UGT1A7: variants seen among roughly 807,000 people sequenced by gnomAD.
The protein encoded by UGT1A7 is UDP-glucuronosyltransferase 1A7.
Under a neutral mutation model 45.6 loss-of-function variants are expected in UGT1A7, and 33 were observed. That is an observed-to-expected ratio of 0.72 (90% CI 0.55 to 0.97). The LOEUF is 0.97. UGT1A7 is among the 50% of genes least tolerant of loss of function. The probability of loss-of-function intolerance (pLI) is 0.00; values close to 1 mark genes in which losing one functional copy is unlikely to be tolerated. For synonymous variants in UGT1A7, 274 were observed against 250.6 expected, an observed-to-expected ratio of 1.09 and a Z score of -0.88; for missense variants, 684 against 666.2, an observed-to-expected ratio of 1.03 and a Z score of -0.29.
intron 1 of UGT1A7, among the ~76,000 whole-genome samples, chr2:233,683,181 A>C (rs527983544): frequency 9.9e-5 from 15 of 152,270 alleles, no homozygotes; most frequent in African/African-American, 3.6e-4. Flanking sequence ...ATGTATATGC[A>C]TATATTTAGG....
At chr2:233,719,651 G>A (rs776482882) in intron 1 of UGT1A7, 1 of 1,614,068 alleles carries the variant, frequency 6.2e-7, no homozygotes, top group Non-Finnish European at 8.5e-7. Flanking sequence ...TCTTCATTGG[G>A]GGCATCAACT....
intron 1 of UGT1A7, among the ~76,000 whole-genome samples, chr2:233,736,051 TG>T (rs2078724849): frequency 6.6e-6 from 1 of 152,250 alleles, no homozygotes; most frequent in South Asian, 2.1e-4. Context: ...ATTTGAATGT[TG>T]GCCTGCCTTG....
intron 1 of UGT1A7, among the ~76,000 whole-genome samples, chr2:233,715,240 A>T (rs2076440317): frequency 6.6e-6 from 1 of 152,092 alleles, no homozygotes; most frequent in African/African-American, 2.4e-5. Flanking sequence ...TCTGTGAAGG[A>T]TGTCTTTTAA....
At chr2:233,754,396 G>A (rs1026750148) in intron 1 of UGT1A7, 5 of 330,592 alleles carry the variant, frequency 1.5e-5, no homozygotes, top group East Asian at 7.7e-5. Context: ...GGTCCTATCC[G>A]TGCAGTCCCA....
At chr2:233,761,732 T>TC (rs1575783874) in intron 1 of UGT1A7, among the ~76,000 whole-genome samples, 1 of 152,336 alleles carries the variant, frequency 6.6e-6, no homozygotes, top group East Asian at 1.9e-4. Flanking sequence ...GGTTTATTTT[T>TC]CCCCTACAGA....
chr2:233,747,827 G>A, intron 1 of UGT1A7: 1 of 1,613,482 alleles, frequency 6.2e-7, no homozygotes, highest in Non-Finnish European at 8.5e-7. Context: ...CAGACCACAT[G>A]ACATTCCTGC....
chr2:233,693,904 C>T (rs749571075), intron 1 of UGT1A7: 22 of 1,613,158 alleles, frequency 1.4e-5, no homozygotes, highest in Admixed American at 6.7e-5. Context: ...CTTGTTTCTT[C>T]CAGGCTCTGT....
At chr2:233,720,323 T>C (rs1157201210) in intron 1 of UGT1A7, among the ~76,000 whole-genome samples, 1 of 152,090 alleles carries the variant, frequency 6.6e-6, no homozygotes, top group Non-Finnish European at 1.5e-5. Flanking sequence ...TGTGGGGACA[T>C]CGTAGAGTTT....
At chr2:233,719,012 G>T (rs763830494) in intron 1 of UGT1A7, 1 of 1,614,092 alleles carries the variant, frequency 6.2e-7, no homozygotes, top group African/African-American at 1.3e-5. Flanking sequence ...TCACCCCAGA[G>T]GTGAATATGC....
intron 1 of UGT1A7, chr2:233,713,970 T>A (rs2076359096): frequency 3.1e-6 from 5 of 1,600,488 alleles, no homozygotes; most frequent in Non-Finnish European, 4.3e-6. Context: ...ATTTCATTTC[T>A]GCTTCTCATT....
At chr2:233,724,684 G>A (rs1018251695) in intron 1 of UGT1A7, among the ~76,000 whole-genome samples, 5 of 144,476 alleles carry the variant, frequency 3.5e-5, no homozygotes, top group Non-Finnish European at 6.0e-5. Context: ...ATGGGATGGC[G>A]GCCGGGTGAA....
intron 1 of UGT1A7, chr2:233,743,836 C>G (rs62191918): frequency 1.5e-6 from 2 of 1,367,146 alleles, no homozygotes; most frequent in South Asian, 1.1e-5. Flanking sequence ...GCCACTTGAG[C>G]GCCAGCTTGC....
At chr2:233,717,276 T>C (rs760496544) in intron 1 of UGT1A7, among the ~76,000 whole-genome samples, 4 of 152,156 alleles carry the variant, frequency 2.6e-5, no homozygotes, top group Admixed American at 1.3e-4. Context: ...GTTGAGAAGC[T>C]GAGATGTTGC....
chr2:233,734,102 A>G (rs1165382391), intron 1 of UGT1A7, among the ~76,000 whole-genome samples: 2 of 142,668 alleles, frequency 1.4e-5, no homozygotes, highest in East Asian at 3.9e-4. Flanking sequence ...AACTTAAAGT[A>G]TAATAATAAT....
At chr2:233,707,538 CTT>C (rs753963758) in intron 1 of UGT1A7, among the ~76,000 whole-genome samples, 33 of 126,850 alleles carry the variant, frequency 2.6e-4, no homozygotes, top group Middle Eastern at 4.2e-3. Context: ...TTTGTCTTGC[CTT>C]TTTTTTTTTT....
intron 1 of UGT1A7, among the ~76,000 whole-genome samples, chr2:233,765,663 C>T (rs1698902511): frequency 6.6e-6 from 1 of 151,426 alleles, no homozygotes; most frequent in South Asian, 2.1e-4. Flanking sequence ...CAGCAAACCA[C>T]CATGGCATAT....
At chr2:233,755,500 A>G (rs1249263278) in intron 1 of UGT1A7, 1 of 181,898 alleles carries the variant, frequency 5.5e-6, no homozygotes, top group Non-Finnish European at 1.2e-5. Flanking sequence ...ATGCTCCAAG[A>G]CCAGGCCCCG....
intron 1 of UGT1A7, among the ~76,000 whole-genome samples, chr2:233,731,284 CTTT>C (rs78127606): frequency 7.2e-6 from 1 of 139,768 alleles, no homozygotes. Flanking sequence ...GTTTTTCTTT[CTTT>C]TTTTTTTTTT....
intron 1 of UGT1A7, among the ~76,000 whole-genome samples, chr2:233,685,336 A>G (rs2074735162): frequency 1.3e-5 from 2 of 152,078 alleles, no homozygotes; most frequent in Admixed American, 6.6e-5. Flanking sequence ...CCCGGACTTA[A>G]AGTGGTTTTA....
Sources: allele counts gnomAD v4.1 joint callset (sites outside exome capture counted in the v4.1 genomes callset), GRCh38; gene constraint gnomAD v4.1.1; transcripts MANE v1.5; gene names NCBI Gene and HGNC (gene_info 2026-07-23, HGNC 2026-07-21).